Variants in MRTFB observed in about 807,000 individuals in gnomAD.
MRTFB encodes myocardin related transcription factor B.
MRTFB carries 29 observed loss-of-function variants against 104.2 expected under a neutral mutation model. The ratio of observed to expected loss-of-function variants is 0.28; its 90% CI spans 0.21 to 0.38. MRTFB has a LOEUF of 0.38. MRTFB is among the 10% of genes least tolerant of loss of function. The probability of loss-of-function intolerance (pLI) is 1.00; values close to 1 mark genes in which losing one functional copy is unlikely to be tolerated. For synonymous variants in MRTFB, 535 were observed against 519.5 expected, an observed-to-expected ratio of 1.03 and a Z score of -0.41; for missense variants, 1,270 against 1,341.6, an observed-to-expected ratio of 0.95 and a Z score of 0.83.
chr16:14,074,649 A>G (rs1273523328), intron 1 of MRTFB, among the ~76,000 whole-genome samples: 1 of 152,220 alleles, frequency 6.6e-6, no homozygotes, highest in Non-Finnish European at 1.5e-5. Context: ...TCAATGAAAT[A>G]GGGAATATGT....
At chr16:13,999,193 A>C in the MRTFB span, among the ~76,000 whole-genome samples, 2 of 146,484 alleles carry the variant, frequency 1.4e-5, no homozygotes, top group Non-Finnish European at 3.0e-5. Flanking sequence ...TCTGTCTCCA[A>C]AAAAAAAAAA....
chr16:14,111,626 G>A (rs2036272018), intron 2 of MRTFB, among the ~76,000 whole-genome samples: 1 of 152,196 alleles, frequency 6.6e-6, no homozygotes, highest in African/African-American at 2.4e-5. Flanking sequence ...TGCTGAAGTG[G>A]CTCTATCCCC....
chr16:14,187,194 T>C (rs2039987208), intron 3 of MRTFB, among the ~76,000 whole-genome samples: 1 of 152,342 alleles, frequency 6.6e-6, no homozygotes, highest in South Asian at 2.1e-4. Flanking sequence ...AATGCTGTTC[T>C]GGGTAGCTGT....
Position 14,251,852 on chromosome 16 carries a change from T to C in MRTFB, c.2404-10T>C. 1 of 1,612,430 alleles carries C rather than the reference T, an allele frequency of 6.2e-7. No homozygotes were observed. The highest frequency in any genetic ancestry group is 1.7e-5 in the Admixed American group (1 of 59,586). On this transcript the variant is annotated splice_polypyrimidine_tract_variant and intron_variant, in intron 13 of 16. Transcript: ENST00000571589. ...GAACAAATTAATGGAGAAACATTTA[T>C]TCATTACAGGTTTTCACAAACTCAG...
chr16:14,160,439 TG>T (rs1398764538), intron 3 of MRTFB, among the ~76,000 whole-genome samples: 2 of 152,342 alleles, frequency 1.3e-5, no homozygotes, highest in Non-Finnish European at 2.9e-5. Context: ...AGATTAAGTT[TG>T]ATCACTTGGT....
chr16:14,192,628 A>T (rs2040236410), intron 3 of MRTFB, among the ~76,000 whole-genome samples: 1 of 152,214 alleles, frequency 6.6e-6, no homozygotes, highest in Admixed American at 6.5e-5. Context: ...AAAGAATGAG[A>T]AACTAAATGA....
intron 4 of MRTFB, 67 bp downstream of exon 4, chr16:14,210,375 C>T: frequency 1.7e-6 from 2 of 1,189,326 alleles, no homozygotes; most frequent in Non-Finnish European, 2.5e-6. Context: ...CAAGAAGAGC[C>T]TGCATCTTGC....
chr16:14,229,589 T>C (rs17196874), intron 8 of MRTFB, among the ~76,000 whole-genome samples: 9,800 of 152,282 alleles, frequency 0.064, 511 homozygotes, highest in Admixed American at 0.16. Flanking sequence ...GTGTACCATA[T>C]TCTGCAGCAG....
At position 14,102,075 on chromosome 16, in the gene MRTFB, A is replaced by T. The variant is rs528110897; in HGVS notation, c.-64+22721A>T. On this transcript the variant is annotated intron_variant, in intron 2 of 16. Transcript: ENST00000571589. ...GGAGAAAAATAGAGGAGTTATTTTC[A>T]AATGGCCATGAGGGCAGAGGGTTTG... is the stretch of plus-strand genomic sequence containing the variant. 5.9e-5 allele frequency among the ~76,000 whole-genome samples: 9 copies of T among 152,322 alleles called. 1 individual carries two copies. In the East Asian group the frequency reaches 1.7e-3, roughly 29 times the overall value.
chr16:14,042,756 G>A, the MRTFB span, among the ~76,000 whole-genome samples: 1 of 152,130 alleles, frequency 6.6e-6, no homozygotes, highest in African/African-American at 2.4e-5. Flanking sequence ...TTCAAACAAG[G>A]GGGGAATCTA....
chr16:14,259,989 T>G (rs2043697279), intron 16 of MRTFB, among the ~76,000 whole-genome samples: 1 of 152,256 alleles, frequency 6.6e-6, no homozygotes, highest in Admixed American at 6.5e-5. Flanking sequence ...TTATTTTTCC[T>G]AGTGTATCTG....
the MRTFB span, chr16:14,015,993 C>T: frequency 4.8e-5 from 19 of 398,498 alleles, no homozygotes; most frequent in Admixed American, 4.4e-5. Flanking sequence ...TGTTTAATTG[C>T]GTCTACTTCT....
the MRTFB span, among the ~76,000 whole-genome samples, chr16:14,017,712 T>TATATATATATATATATATATATATATA: frequency 2.0e-4 from 2 of 9,944 alleles, no homozygotes; most frequent in Admixed American, 2.3e-3. Context: ...TATATATATA[T>TATATATATATATATATATATATATATA]TTTTTTTTTT....
At chr16:14,140,166 G>T (rs1330296240) in intron 2 of MRTFB, among the ~76,000 whole-genome samples, 1 of 152,174 alleles carries the variant, frequency 6.6e-6, no homozygotes, top group African/African-American at 2.4e-5. Context: ...ATTTAAACTT[G>T]CTTGATATAT....
At chr16:14,072,909 G>T (rs1041458259) in intron 1 of MRTFB, among the ~76,000 whole-genome samples, 1 of 152,076 alleles carries the variant, frequency 6.6e-6, no homozygotes. Flanking sequence ...CACTCGAAGG[G>T]ACAATACTGG....
At chr16:14,139,964 A>G (rs1013211769) in intron 2 of MRTFB, among the ~76,000 whole-genome samples, 1 of 152,218 alleles carries the variant, frequency 6.6e-6, no homozygotes, top group Non-Finnish European at 1.5e-5. Flanking sequence ...TTTCCATATC[A>G]GTCAGAATGA....
chr16:14,019,917 T>C, the MRTFB span, among the ~76,000 whole-genome samples: 2 of 152,316 alleles, frequency 1.3e-5, no homozygotes, highest in Admixed American at 1.3e-4. Flanking sequence ...GAAGGAAACA[T>C]CAGTCTTAAT....
At chr16:14,040,112 A>G in the MRTFB span, among the ~76,000 whole-genome samples, 1 of 152,248 alleles carries the variant, frequency 6.6e-6, no homozygotes, top group Non-Finnish European at 1.5e-5. Flanking sequence ...TTTAAATTAT[A>G]TAAGGATTAG....
the MRTFB span, among the ~76,000 whole-genome samples, chr16:14,011,553 A>G: frequency 3.9e-5 from 6 of 152,200 alleles, no homozygotes; most frequent in South Asian, 2.1e-4. Flanking sequence ...ATCCCTAAGT[A>G]TTTCCTAAAT....
Sources: gnomAD v4.1 joint callset for allele counts (sites outside exome capture counted in the v4.1 genomes callset) on GRCh38, gnomAD v4.1.1 for gene constraint, MANE v1.5 for transcripts, NCBI Gene and HGNC (gene_info 2026-07-23, HGNC 2026-07-21) for gene names.